The following NTM variants were observed in gnomAD, a reference collection of about 807,000 sequenced individuals.
NTM encodes the protein neurotrimin.
A neutral mutation model predicts 42.1 loss-of-function variants in NTM; 13 were observed. That is an observed-to-expected ratio of 0.31 (90% CI 0.20 to 0.49). The LOEUF is 0.49. NTM is among the 20% of genes least tolerant of loss of function. The probability of loss-of-function intolerance (pLI) is 0.99; values close to 1 mark genes in which losing one functional copy is unlikely to be tolerated. For synonymous variants in NTM, 187 were observed against 179.2 expected (o/e 1.04, Z -0.35); for missense variants, 373 against 452.8 (o/e 0.82, Z 1.60).
chr11:132,234,102 CT>C lies in NTM; in HGVS notation c.526+21961del, dbSNP rs370600740. On this transcript the variant is annotated intron_variant, in intron 4 of 8. Coordinates refer to ENST00000683400, the MANE Select transcript of NTM (RefSeq NM_001352005.2). ...CAATTCTATATCCTGCCCACTTTGG[CT>C]TTTTTGGAGTCATTCTTAACTGGGG... Among the ~76,000 whole-genome samples, 287 of 152,298 alleles carry C rather than the reference CT, an allele frequency of 1.9e-3. 4 individuals are homozygous for C. The highest frequency in any genetic ancestry group is 6.3e-3 in the African/African-American group (263 of 41,568).
At chr11:131,911,802 C>T (rs2055094671) in intron 2 of NTM, among the ~76,000 whole-genome samples, 154 bp downstream of exon 2, 1 of 152,216 alleles carries the variant, frequency 6.6e-6, no homozygotes, top group Non-Finnish European at 1.5e-5. Flanking sequence ...GGGGGCTCTG[C>T]CCGGGAATGT....
At chr11:132,163,201 G>A (rs956167959) in intron 3 of NTM, among the ~76,000 whole-genome samples, 5 of 152,272 alleles carry the variant, frequency 3.3e-5, no homozygotes, top group East Asian at 1.9e-4. Context: ...GGACTGAATT[G>A]TGGGTTGAGT....
chr11:131,862,881 TC>T (rs2046787702), intron 1 of NTM, among the ~76,000 whole-genome samples: 1 of 152,198 alleles, frequency 6.6e-6, no homozygotes, highest in African/African-American at 2.4e-5. Context: ...CTGGTTGCTA[TC>T]CTCCATGCCT....
intron 1 of NTM, among the ~76,000 whole-genome samples, chr11:131,491,675 A>G (rs1954812574): frequency 2.0e-5 from 3 of 152,278 alleles, no homozygotes; most frequent in Admixed American, 6.5e-5. Context: ...CGTTCAGTGT[A>G]AAATGACTCA....
chr11:132,206,935 A>G (rs966461650), intron 3 of NTM, among the ~76,000 whole-genome samples: 1 of 152,172 alleles, frequency 6.6e-6, no homozygotes, highest in African/African-American at 2.4e-5. Flanking sequence ...CTTGTTATTC[A>G]ACTCTCTGGA....
intron 1 of NTM, among the ~76,000 whole-genome samples, chr11:131,511,363 G>T (rs2048221356): frequency 6.6e-6 from 1 of 152,198 alleles, no homozygotes; most frequent in African/African-American, 2.4e-5. Flanking sequence ...TGCCCTAATT[G>T]AATCAAAGTC....
intron 1 of NTM, among the ~76,000 whole-genome samples, chr11:131,819,276 A>G (rs559186418): frequency 6.4e-4 from 98 of 152,324 alleles, no homozygotes; most frequent in Non-Finnish European, 1.3e-3. Context: ...CCGAGGGAGC[A>G]TGCCACACTA....
chr11:131,929,545 G>GT (rs1274438529), intron 2 of NTM, among the ~76,000 whole-genome samples: 1 of 151,304 alleles, frequency 6.6e-6, no homozygotes, highest in African/African-American at 2.4e-5. Context: ...TTTTCTTTGC[G>GT]TTTTTGTGTT....
chr11:132,281,899 A>G (rs1417255486), intron 4 of NTM, among the ~76,000 whole-genome samples: 1 of 152,236 alleles, frequency 6.6e-6, no homozygotes, highest in African/African-American at 2.4e-5. Context: ...TGTGATATTA[A>G]TAACATAGAT....
Position 132,307,760 on chromosome 11 carries a change from G to A in NTM, c.598G>A (p.Glu200Lys). The change falls in exon 5 of 9, where the codon GAG (glutamate) becomes AAG (lysine). Residue 200 changes from glutamate to lysine, a missense_variant. Transcript: ENST00000683400. The stretch of plus-strand genomic sequence containing the variant: ...CACCAGGGAGCAGTCAGGGGACTAC[G>A]AGTGCAGTGCCTCCAATGACGTGGC... ...GITREQSGDY[E>K]CSASNDVAAP... 2 of 1,614,172 alleles carry A rather than the reference G, an allele frequency of 1.2e-6. No homozygotes were observed. Among genetic ancestry groups the A allele is most frequent in the Non-Finnish European group, 1.7e-6 (2 of 1,180,038 alleles).
intron 2 of NTM, among the ~76,000 whole-genome samples, chr11:131,988,286 C>G (rs1235040784): frequency 1.3e-5 from 2 of 152,290 alleles, no homozygotes; most frequent in East Asian, 3.9e-4. Flanking sequence ...AGACAAAAAC[C>G]ATTCAGACTG....
intron 4 of NTM, among the ~76,000 whole-genome samples, chr11:132,238,876 G>T (rs1035834480): frequency 1.2e-4 from 18 of 152,172 alleles, no homozygotes; most frequent in African/African-American, 4.3e-4. Flanking sequence ...TGCTGATGTT[G>T]CAGGTCCACA....
At chr11:132,318,706 G>A (rs1470466042) in intron 7 of NTM, among the ~76,000 whole-genome samples, 1 of 152,126 alleles carries the variant, frequency 6.6e-6, no homozygotes, top group Non-Finnish European at 1.5e-5. Context: ...TTTCAGGAAG[G>A]CAGCTGTGAA....
intron 1 of NTM, among the ~76,000 whole-genome samples, chr11:131,714,137 A>G (rs908796013): frequency 3.3e-5 from 5 of 151,854 alleles, no homozygotes; most frequent in African/African-American, 9.7e-5. Flanking sequence ...CACTCACCCA[A>G]CTCCTGATAT....
intron 1 of NTM, among the ~76,000 whole-genome samples, chr11:131,844,388 A>G (rs994159882): frequency 2.0e-5 from 3 of 152,104 alleles, no homozygotes; most frequent in African/African-American, 7.2e-5. Flanking sequence ...TAGCTCTGAA[A>G]TGCATTTTGC....
chr11:131,628,013 G>A (rs1346736001), intron 1 of NTM, among the ~76,000 whole-genome samples: 1 of 152,160 alleles, frequency 6.6e-6, no homozygotes, highest in Admixed American at 6.5e-5. Context: ...TATGCCCTAA[G>A]TCCCCTGCAA....
chr11:131,745,155 T>C (rs913113880), intron 1 of NTM, among the ~76,000 whole-genome samples: 2 of 152,200 alleles, frequency 1.3e-5, no homozygotes, highest in African/African-American at 4.8e-5. Context: ...TTTATGGAGT[T>C]ATAGCCTTGG....
intron 1 of NTM, among the ~76,000 whole-genome samples, chr11:131,479,786 T>C (rs1953354980): frequency 6.6e-6 from 1 of 152,132 alleles, no homozygotes; most frequent in Non-Finnish European, 1.5e-5. Context: ...TGATATGCAA[T>C]TGTGTGTGAG....
intron 2 of NTM, 41 bp downstream of exon 2, chr11:131,911,689 GGGGTC>G (rs1313400737): frequency 1.1e-5 from 17 of 1,612,942 alleles, no homozygotes; most frequent in Non-Finnish European, 1.4e-5. Flanking sequence ...TGGTTTGTAT[GGGGTC>G]GGGGTAAGGG....
Sources: gnomAD v4.1 joint callset for allele counts (sites outside exome capture counted in the v4.1 genomes callset) on GRCh38, gnomAD v4.1.1 for gene constraint, MANE v1.5 for transcripts, NCBI Gene and HGNC (gene_info 2026-07-23, HGNC 2026-07-21) for gene names.